HERC2: variants seen among roughly 807,000 people sequenced by gnomAD.
The protein encoded by HERC2 is E3 ubiquitin-protein ligase HERC2.
A neutral mutation model predicts 537.7 loss-of-function variants in HERC2; 102 were observed. The ratio of observed to expected loss-of-function variants is 0.19; its 90% confidence interval spans 0.16 to 0.22. HERC2 has a LOEUF of 0.22. HERC2 is among the 10% of genes least tolerant of loss of function. The pLI is 1.00. For missense variants in HERC2, 4,236 were observed against 6,198.2 expected (o/e 0.68, Z 10.63); for synonymous variants, 2,224 against 2,466.2 (o/e 0.90, Z 2.91).
Position 28,292,961 on chromosome 15 carries a change from A to G in HERC2, c.249T>C (p.Asp83=). ...KEDLNDKEKK[D]EEETPAPIYR... ...ATATAGGTGCAGGAGTTTCTTCTTC[A>G]TCTTTTTTCTCTTTGTCATTCAGAT... Residue 83 remains aspartate, a synonymous_variant, in exon 4 of 93, where the codon GAT becomes GAC. Transcript: ENST00000261609. The G allele has an allele frequency of 1.2e-6, 2 of 1,611,358 alleles. No homozygotes were observed. Among genetic ancestry groups the G allele is most frequent in the Non-Finnish European group, 1.7e-6 (2 of 1,179,508 alleles).
intron 21 of HERC2, among the ~76,000 whole-genome samples, chr15:28,247,109 C>T (rs565116781): frequency 6.6e-6 from 1 of 152,184 alleles, no homozygotes; most frequent in East Asian, 1.9e-4. Context: ...CCCTGCACTA[C>T]AGAGTACCTA....
chr15:28,111,918 C>T lies in HERC2; in HGVS notation c.14350G>A (p.Ala4784Thr). 1 of 1,612,832 alleles carries T rather than the reference C, an allele frequency of 6.2e-7. No homozygotes were observed. Among genetic ancestry groups the T allele is most frequent in the Non-Finnish European group, 8.5e-7 (1 of 1,179,874 alleles). Residue 4784 changes from alanine (A) to threonine (T), a missense_variant, in exon 93 of 93, where the codon GCC (alanine) becomes ACC (threonine). Ala to Thr is a moderately conservative substitution (Grantham distance 58). Transcript: ENST00000261609. The stretch of plus-strand genomic sequence containing the variant: ...TCTATGGACTTGCAGAAGTGGATGG[C>T]GTACTTGAGCTTCTCCTCCAGCACC... Reference protein sequence around the residue: ...KQVLEEKLKYAIHFCKSIDTD... With the variant: ...KQVLEEKLKYTIHFCKSIDTD...
intron 64 of HERC2, among the ~76,000 whole-genome samples, chr15:28,175,310 C>A (rs1472178794): frequency 1.3e-5 from 2 of 152,082 alleles, no homozygotes; most frequent in Admixed American, 6.5e-5. Flanking sequence ...TTTCTGAGGA[C>A]CCCGCCCCCA....
intron 21 of HERC2, 29 bp downstream of exon 21, chr15:28,248,523 A>C: frequency 6.4e-7 from 1 of 1,574,674 alleles, no homozygotes; most frequent in Non-Finnish European, 8.7e-7. Context: ...GATCACATAC[A>C]AGACACTTTC....
At chr15:28,321,567 G>A in intron 1 of HERC2, 103 bp from the exon 2 acceptor site, 2 of 524,660 alleles carry the variant, frequency 3.8e-6, no homozygotes, top group Non-Finnish European at 6.3e-6. Flanking sequence ...CAGAAAGGGG[G>A]GAGAGAAGAG....
chr15:28,161,453 T>G (rs577450455), intron 69 of HERC2, among the ~76,000 whole-genome samples: 1 of 152,228 alleles, frequency 6.6e-6, no homozygotes, highest in East Asian at 1.9e-4. Flanking sequence ...TCAGGCTCCC[T>G]GGCAGGGCAG....
chr15:28,208,068 C>G (rs1258367971), intron 44 of HERC2, among the ~76,000 whole-genome samples: 1 of 152,312 alleles, frequency 6.6e-6, no homozygotes, highest in South Asian at 2.1e-4. Flanking sequence ...ATCCAATTCC[C>G]AGGCTCCAAT....
At chr15:28,168,287 C>G in intron 67 of HERC2, 120 bp downstream of exon 67, 1 of 988,446 alleles carries the variant, frequency 1.0e-6, no homozygotes, top group South Asian at 1.7e-5. Context: ...TAAGTAAAGC[C>G]AAAAATCTAA....
intron 65 of HERC2, among the ~76,000 whole-genome samples, chr15:28,171,840 C>A (rs1894726020): frequency 6.6e-6 from 1 of 151,938 alleles, no homozygotes; most frequent in African/African-American, 2.4e-5. Flanking sequence ...TTTGGGAGGC[C>A]GAGGTGGGCG....
chr15:28,146,262 G>A lies in HERC2; in HGVS notation c.10983C>T (p.Val3661=). 1 of 1,613,922 alleles carries A rather than the reference G, an allele frequency of 6.2e-7. No homozygotes were observed. The highest frequency in any genetic ancestry group is 1.1e-5 in the South Asian group (1 of 91,044). ...CTGACCGCACGGAGACGATCCTGTT[G>A]ACGCCGTCCATGACTGTGAGAGGGT... ...RHDPLTVMDG[V]NRIVSVRSGR... is the part of the protein sequence containing the mutation. The change falls in exon 71 of 93, where the codon GTC becomes GTT. Residue 3661 remains valine, a synonymous_variant. Transcript: ENST00000261609.
At chr15:28,154,701 T>G (rs996801319) in intron 69 of HERC2, among the ~76,000 whole-genome samples, 6 of 152,170 alleles carry the variant, frequency 3.9e-5, no homozygotes, top group Admixed American at 1.3e-4. Flanking sequence ...TATATAAAGG[T>G]AACCCCTACC....
intron 30 of HERC2, among the ~76,000 whole-genome samples, chr15:28,231,234 C>G (rs906626178): frequency 2.0e-5 from 3 of 152,122 alleles, no homozygotes; most frequent in Admixed American, 6.5e-5. Flanking sequence ...CATAGCAGGC[C>G]GGGGTTGCTC....
Position 28,132,784 on chromosome 15 carries a change from C to T in HERC2, c.12277G>A (p.Val4093Met), listed in dbSNP as rs1315449808. Residue 4093 changes from valine to methionine, a missense_variant, in exon 80 of 93, where the codon GTG becomes ATG. By Grantham distance (21) the Val-to-Met change is conservative. This residue lies in a region of HERC2 where 94 missense variants were observed against 137.4 expected (regional missense o/e 0.68). Coordinates refer to ENST00000261609, the MANE Select transcript of HERC2 (RefSeq NM_004667.6). ...GCTCCGCCAGCAGCAACATCGACCA[C>T]TTCAATTCCTCTCAGAGACTCGATG... ...RVIESLRGIEVVDVAAGGAHS... is the reference protein window; with the variant it reads ...RVIESLRGIEMVDVAAGGAHS... 6.2e-7 allele frequency: 1 copy of T among 1,602,104 alleles called. No homozygotes were observed. The highest frequency in any genetic ancestry group is 2.3e-5 in the East Asian group (1 of 43,648).
intron 2 of HERC2, among the ~76,000 whole-genome samples, chr15:28,310,893 C>T (rs2076923835): frequency 6.6e-6 from 1 of 151,832 alleles, no homozygotes; most frequent in Non-Finnish European, 1.5e-5. Context: ...CCGGCTAACA[C>T]AGCGAAACCC....
chr15:28,136,237 T>C (rs1460786370), intron 78 of HERC2, among the ~76,000 whole-genome samples: 2 of 152,228 alleles, frequency 1.3e-5, no homozygotes, highest in African/African-American at 4.8e-5. Flanking sequence ...AGACTGCCGT[T>C]TTCCAAATGA....
At chr15:28,132,524 C>G in intron 80 of HERC2, 129 bp downstream of exon 80, 1 of 958,116 alleles carries the variant, frequency 1.0e-6, no homozygotes. Context: ...TCACTTCTTG[C>G]ACCCAAAAAT....
chr15:28,220,955 C>T (rs1383492381), intron 36 of HERC2, among the ~76,000 whole-genome samples: 3 of 142,624 alleles, frequency 2.1e-5, no homozygotes, highest in Admixed American at 6.9e-5. Context: ...GGTGCGTGCC[C>T]TGCCCTGGTC....
At chr15:28,305,677 T>C (rs1302028889) in intron 2 of HERC2, among the ~76,000 whole-genome samples, 6 of 124,620 alleles carry the variant, frequency 4.8e-5, no homozygotes, top group African/African-American at 8.9e-5. Flanking sequence ...AATTGACAAA[T>C]GGGATCTAAT....
intron 69 of HERC2, among the ~76,000 whole-genome samples, chr15:28,161,206 T>C (rs1280430293): frequency 6.6e-6 from 1 of 152,254 alleles, no homozygotes; most frequent in East Asian, 1.9e-4. Context: ...ATCAGAGCTT[T>C]AACGTTTCAG....
Sources: gnomAD v4.1 joint callset for allele counts (sites outside exome capture counted in the v4.1 genomes callset) on GRCh38, gnomAD v4.1.1 for gene constraint, gnomAD v4.1.1 regional missense constraint, MANE v1.5 for transcripts, NCBI Gene and HGNC (gene_info 2026-07-23, HGNC 2026-07-21) for gene names.